The following CCNY variants were observed in gnomAD, a reference collection of about 807,000 sequenced individuals.
CCNY encodes the protein cyclin-Y.
CCNY carries 19 observed loss-of-function variants against 42.8 expected under a neutral mutation model. That is an observed-to-expected ratio of 0.44 (90% CI 0.31 to 0.65). The LOEUF (loss-of-function observed/expected upper bound fraction) is 0.65. Among genes scored for constraint, CCNY ranks in the 30% least tolerant of loss-of-function variants. The pLI is 0.07. For missense variants in CCNY, 370 were observed against 437.3 expected (o/e 0.85, Z 1.37); for synonymous variants, 165 against 162.7 (o/e 1.01, Z -0.11).
At chr10:35,527,276 G>T (rs559145970) in intron 5 of CCNY, among the ~76,000 whole-genome samples, 6 of 152,258 alleles carry the variant, frequency 3.9e-5, no homozygotes, top group Admixed American at 1.3e-4. Context: ...TTCTATACTA[G>T]TTCAAACCTT....
intron 3 of CCNY, among the ~76,000 whole-genome samples, chr10:35,512,783 T>A (rs1840349355): frequency 6.6e-6 from 1 of 151,798 alleles, no homozygotes; most frequent in African/African-American, 2.4e-5. Flanking sequence ...AAACTCCCTG[T>A]GGGGAGCTCA....
chr10:35,413,130 A>G (rs1837949952), intron 1 of CCNY, among the ~76,000 whole-genome samples: 2 of 152,112 alleles, frequency 1.3e-5, no homozygotes, highest in Non-Finnish European at 1.5e-5. Context: ...TTTTAATGCC[A>G]TTTTCATGGG....
chr10:35,478,938 G>T (rs185432190), intron 1 of CCNY, among the ~76,000 whole-genome samples: 23 of 152,188 alleles, frequency 1.5e-4, no homozygotes, highest in Non-Finnish European at 2.8e-4. Flanking sequence ...ATCAAAAAGT[G>T]GGTGAAGGAC....
intron 3 of CCNY, among the ~76,000 whole-genome samples, chr10:35,292,982 G>A (rs1564360455): frequency 6.6e-6 from 1 of 151,680 alleles, no homozygotes; most frequent in Non-Finnish European, 1.5e-5. Flanking sequence ...GTTTCACCAT[G>A]TTGGCCAGGC....
intron 8 of CCNY, among the ~76,000 whole-genome samples, chr10:35,558,741 A>G (rs1841408893): frequency 6.6e-6 from 1 of 152,208 alleles, no homozygotes; most frequent in African/African-American, 2.4e-5. Context: ...TCTGCAAGCC[A>G]AGGAGAGAGG....
intron 1 of CCNY, among the ~76,000 whole-genome samples, chr10:35,352,969 G>T (rs1415926796): frequency 6.6e-6 from 1 of 152,050 alleles, no homozygotes; most frequent in African/African-American, 2.4e-5. Context: ...TCTGTAACCT[G>T]GACTGGAGTG....
chr10:35,533,217 GC>G (rs1354770200), intron 7 of CCNY, among the ~76,000 whole-genome samples: 1 of 152,078 alleles, frequency 6.6e-6, no homozygotes. Context: ...ATTTTGACTG[GC>G]CCCAGTTCCT....
intron 3 of CCNY, among the ~76,000 whole-genome samples, chr10:35,303,175 T>G (rs1835558008): frequency 6.6e-6 from 1 of 151,676 alleles, no homozygotes; most frequent in Non-Finnish European, 1.5e-5. Context: ...GGTGACAGAG[T>G]AAGATCCTGT....
chr10:35,456,155 A>T (rs1274555063), intron 1 of CCNY, among the ~76,000 whole-genome samples: 3 of 151,100 alleles, frequency 2.0e-5, no homozygotes, highest in Non-Finnish European at 2.9e-5. Flanking sequence ...GCACTCACAC[A>T]TGTGTTCAAG....
intron 1 of CCNY, among the ~76,000 whole-genome samples, chr10:35,456,194 G>T (rs1839031832): frequency 6.6e-6 from 1 of 152,172 alleles, no homozygotes; most frequent in African/African-American, 2.4e-5. Context: ...CCATTCACCA[G>T]TGTTATGGAG....
intron 5 of CCNY, among the ~76,000 whole-genome samples, chr10:35,527,815 C>T (rs559202292): frequency 2.6e-5 from 4 of 152,170 alleles, no homozygotes; most frequent in African/African-American, 7.2e-5. Context: ...GCCTTCTCTT[C>T]GCTCTCATAC....
chr10:35,537,646 T>G (rs1226740415), intron 7 of CCNY, among the ~76,000 whole-genome samples: 2 of 152,204 alleles, frequency 1.3e-5, no homozygotes, highest in Non-Finnish European at 2.9e-5. Context: ...GATTTCGGGC[T>G]TGCTTGGGCC....
intron 7 of CCNY, among the ~76,000 whole-genome samples, chr10:35,539,053 A>G (rs1477172501): frequency 6.6e-6 from 1 of 152,212 alleles, no homozygotes; most frequent in East Asian, 1.9e-4. Context: ...CACCCTTGTC[A>G]AAAATCACTT....
chr10:35,278,002 C>T (rs1450714090), intron 3 of CCNY, among the ~76,000 whole-genome samples: 2 of 152,038 alleles, frequency 1.3e-5, no homozygotes, highest in Non-Finnish European at 2.9e-5. Context: ...GCCTTTAGTG[C>T]AGAGTTTAGG....
chr10:35,555,539 C>T (rs1022242719), intron 8 of CCNY, among the ~76,000 whole-genome samples: 10 of 152,264 alleles, frequency 6.6e-5, no homozygotes, highest in East Asian at 5.8e-4. Flanking sequence ...GATTTTTCTG[C>T]GTTAATTCAC....
intron 1 of CCNY, among the ~76,000 whole-genome samples, chr10:35,425,622 A>G (rs553473056): frequency 3.3e-5 from 5 of 152,212 alleles, no homozygotes; most frequent in African/African-American, 9.6e-5. Flanking sequence ...GAATGCACCA[A>G]TGTTTGTTTA....
At chr10:35,380,131 A>T (rs150492607) in intron 1 of CCNY, among the ~76,000 whole-genome samples, 436 of 152,298 alleles carry the variant, frequency 2.9e-3, no homozygotes, top group Middle Eastern at 0.014. Context: ...ACTCCAACAG[A>T]TACTGGGTTA....
chr10:35,553,967 T>C (rs1366829308), intron 8 of CCNY, among the ~76,000 whole-genome samples: 2 of 152,238 alleles, frequency 1.3e-5, no homozygotes, highest in Non-Finnish European at 2.9e-5. Flanking sequence ...ACTACTTGAC[T>C]TACAGTTCCT....
At chr10:35,423,776 T>G (rs1455195542) in intron 1 of CCNY, among the ~76,000 whole-genome samples, 1 of 152,198 alleles carries the variant, frequency 6.6e-6, no homozygotes, top group East Asian at 1.9e-4. Context: ...AGAACTCTTT[T>G]GTAGACATAA....
Sources: allele counts gnomAD v4.1 joint callset (sites outside exome capture counted in the v4.1 genomes callset), GRCh38; gene constraint gnomAD v4.1.1; transcripts MANE v1.5; gene names NCBI Gene and HGNC (gene_info 2026-07-23, HGNC 2026-07-21).